Variants in ATRNL1 observed in about 807,000 individuals in gnomAD.
ATRNL1 encodes attractin like 1, also known as attractin-like protein 1.
In ATRNL1, 95 loss-of-function variants were observed where a neutral mutation model predicts 182.7. The observed-to-expected ratio is 0.52, with a 90% confidence interval of 0.44 to 0.62. The LOEUF (loss-of-function observed/expected upper bound fraction) is 0.62, where lower values mean the gene tolerates loss of function less well. ATRNL1 is among the 20% of genes least tolerant of loss of function. The pLI is 0.00. For synonymous variants in ATRNL1, 576 were observed against 568.3 expected, an observed-to-expected ratio of 1.01 and a Z score of -0.19; for missense variants, 1,471 against 1,679.5, an observed-to-expected ratio of 0.88 and a Z score of 2.17.
chr10:115,127,961 G>T (rs1845047815), intron 4 of ATRNL1, among the ~76,000 whole-genome samples: 1 of 151,994 alleles, frequency 6.6e-6, no homozygotes, highest in African/African-American at 2.4e-5. Context: ...ATTGTTTTTT[G>T]GCAAGTGATT....
chr10:115,248,854 T>C (rs545065000), intron 10 of ATRNL1, among the ~76,000 whole-genome samples: 5 of 152,226 alleles, frequency 3.3e-5, no homozygotes, highest in Non-Finnish European at 7.3e-5. Flanking sequence ...TGTAATTTTC[T>C]ATTACAGAAG....
At chr10:115,434,701 A>AT (rs1197347868) in intron 21 of ATRNL1, among the ~76,000 whole-genome samples, 2 of 152,244 alleles carry the variant, frequency 1.3e-5, no homozygotes, top group East Asian at 3.9e-4. Context: ...ATTTCATTCA[A>AT]TTTTTTCTGA....
chr10:115,855,269 C>T (rs1555101571), intron 28 of ATRNL1, among the ~76,000 whole-genome samples: 1 of 152,092 alleles, frequency 6.6e-6, no homozygotes, highest in South Asian at 2.1e-4. Flanking sequence ...TTCTTGTACC[C>T]GAAATCCCCT....
At chr10:115,418,361 G>T (rs782405538) in intron 20 of ATRNL1, among the ~76,000 whole-genome samples, 14 of 152,164 alleles carry the variant, frequency 9.2e-5, no homozygotes, top group Non-Finnish European at 1.3e-4. Context: ...ACAAAAGAAA[G>T]AATTAGTGAG....
At chr10:115,176,313 GATCCC>G (rs1312128890) in intron 8 of ATRNL1, among the ~76,000 whole-genome samples, 8 of 152,204 alleles carry the variant, frequency 5.3e-5, no homozygotes, top group African/African-American at 1.9e-4. Context: ...AGTTTAATTA[GATCCC>G]ATTTGTCAAT....
intron 28 of ATRNL1, among the ~76,000 whole-genome samples, chr10:115,925,990 A>G (rs1188554862): frequency 1.3e-5 from 2 of 152,206 alleles, no homozygotes; most frequent in African/African-American, 4.8e-5. Context: ...CACTTATTCT[A>G]AAATTGACCA....
chr10:115,220,642 G>A lies in ATRNL1; in HGVS notation c.1532+4762G>A, dbSNP rs556032998. 2.7e-5 allele frequency among the ~76,000 whole-genome samples: 4 copies of A among 145,964 alleles called. No individual in the cohort carries two copies. The East Asian group carries it at 8.3e-4, about 30-fold the overall frequency. ...TTTTTACTCAGTTTGGCTAAGGTTT[G>A]TTTGTGGGCTTACCAAAACTGTAAC... On this transcript the variant is annotated intron_variant, in intron 9 of 28. Coordinates refer to ENST00000355044, the MANE Select transcript of ATRNL1 (RefSeq NM_207303.4).
intron 26 of ATRNL1, among the ~76,000 whole-genome samples, chr10:115,575,529 C>T (rs1052300693): frequency 3.6e-4 from 54 of 152,090 alleles, no homozygotes; most frequent in African/African-American, 1.2e-3. Context: ...TTGTTCATCA[C>T]GTAGTCATTT....
intron 27 of ATRNL1, among the ~76,000 whole-genome samples, chr10:115,838,878 T>C (rs1188802692): frequency 1.3e-5 from 2 of 152,172 alleles, no homozygotes; most frequent in Non-Finnish European, 2.9e-5. Flanking sequence ...TAATCCAGAA[T>C]GACTTATTCT....
At chr10:115,123,296 G>A (rs1425623043) in intron 3 of ATRNL1, among the ~76,000 whole-genome samples, 2 of 148,548 alleles carry the variant, frequency 1.3e-5, no homozygotes, top group Non-Finnish European at 2.9e-5. Context: ...AGATCTCGTT[G>A]GGGGAGTACT....
chr10:115,209,380 A>T lies in ATRNL1; in HGVS notation c.1349-6317A>T, dbSNP rs369843858. Reference sequence around the variant, plus strand: ...TATGCTGTCACAGGATCACAGTGTAATGCTGCTTGGTATCTAGTATCCATA... The same window carrying T: ...TATGCTGTCACAGGATCACAGTGTATTGCTGCTTGGTATCTAGTATCCATA... On this transcript the variant is annotated intron_variant, in intron 8 of 28. Transcript: ENST00000355044. 5.6e-5 allele frequency among the ~76,000 whole-genome samples: 8 copies of T among 142,674 alleles called. No individual in the cohort carries two copies. In the East Asian group the frequency reaches 1.4e-3, roughly 25 times the overall value. The allele number at this position is 142,674 out of a possible 152,430, so 93.6% of individuals were successfully genotyped here. A position where few individuals can be genotyped will look rare whatever the true frequency, so the allele number is the denominator to read the frequency against.
intron 27 of ATRNL1, among the ~76,000 whole-genome samples, chr10:115,805,135 G>C (rs752666578): frequency 2.6e-4 from 40 of 152,132 alleles, no homozygotes; most frequent in Non-Finnish European, 4.7e-4. Context: ...AATCGTAGAA[G>C]AAGCAGCCCC....
intron 28 of ATRNL1, among the ~76,000 whole-genome samples, chr10:115,890,267 C>A (rs897175109): frequency 3.3e-5 from 5 of 152,092 alleles, no homozygotes; most frequent in Non-Finnish European, 7.3e-5. Flanking sequence ...AAGAATGCAA[C>A]CTATTAAGCA....
chr10:115,633,574 A>T (rs1015890443), intron 26 of ATRNL1, among the ~76,000 whole-genome samples: 1 of 152,226 alleles, frequency 6.6e-6, no homozygotes. Context: ...TAATACTCAT[A>T]GTTACTTGCT....
intron 26 of ATRNL1, among the ~76,000 whole-genome samples, chr10:115,707,511 C>G (rs1555053378): frequency 6.6e-6 from 1 of 151,588 alleles, no homozygotes; most frequent in African/African-American, 2.4e-5. Flanking sequence ...ATTCCATCTC[C>G]CCGTATCCCC....
intron 27 of ATRNL1, among the ~76,000 whole-genome samples, chr10:115,732,374 C>T (rs530394632): frequency 6.6e-6 from 1 of 152,160 alleles, no homozygotes. Flanking sequence ...ATCTTGATGA[C>T]TCTACCTTTG....
chr10:115,203,166 T>A (rs1848658733), intron 8 of ATRNL1, among the ~76,000 whole-genome samples: 1 of 152,118 alleles, frequency 6.6e-6, no homozygotes, highest in Non-Finnish European at 1.5e-5. Context: ...GAAGCAGGGT[T>A]CAAAAGCCCT....
intron 27 of ATRNL1, among the ~76,000 whole-genome samples, chr10:115,829,298 G>A (rs1950507688): frequency 6.6e-6 from 1 of 152,146 alleles, no homozygotes; most frequent in African/African-American, 2.4e-5. Flanking sequence ...GAAGTGTTAG[G>A]AGGAAGACCA....
chr10:115,253,002 G>C (rs1850946898), intron 10 of ATRNL1, among the ~76,000 whole-genome samples: 1 of 152,100 alleles, frequency 6.6e-6, no homozygotes, highest in Non-Finnish European at 1.5e-5. Flanking sequence ...TTCATTGCTA[G>C]CCTGGCAATG....
Sources: allele counts gnomAD v4.1 joint callset (sites outside exome capture counted in the v4.1 genomes callset), GRCh38; gene constraint gnomAD v4.1.1; transcripts MANE v1.5; gene names NCBI Gene and HGNC (gene_info 2026-07-23, HGNC 2026-07-21).